EPC2: variants seen among roughly 807,000 people sequenced by gnomAD.
The protein encoded by EPC2 is enhancer of polycomb homolog 2.
EPC2 carries 14 observed loss-of-function variants against 92.1 expected under a neutral mutation model. The ratio of observed to expected loss-of-function variants is 0.15; its 90% CI spans 0.10 to 0.24. The LOEUF (loss-of-function observed/expected upper bound fraction) is 0.24. EPC2 is among the 10% of genes least tolerant of loss of function. The pLI is 1.00. For missense variants in EPC2, 755 were observed against 971.5 expected, an observed-to-expected ratio of 0.78 and a Z score of 2.96; for synonymous variants, 340 against 334.7, an observed-to-expected ratio of 1.02 and a Z score of -0.17.
At chr2:148,728,579 G>A (rs553370477) in intron 2 of EPC2, among the ~76,000 whole-genome samples, 19 of 151,898 alleles carry the variant, frequency 1.3e-4, no homozygotes, top group Non-Finnish European at 5.9e-5. Flanking sequence ...AAACTAAAAA[G>A]TTAGCCAGGT....
intron 1 of EPC2, among the ~76,000 whole-genome samples, chr2:148,651,657 G>T (rs1680687602): frequency 6.6e-6 from 1 of 152,086 alleles, no homozygotes; most frequent in Admixed American, 6.6e-5. Flanking sequence ...TGCCTAAGTG[G>T]GTTAAATGGC....
At chr2:148,690,724 A>G (rs576635413) in intron 2 of EPC2, among the ~76,000 whole-genome samples, 2 of 151,740 alleles carry the variant, frequency 1.3e-5, no homozygotes, top group South Asian at 2.1e-4. Context: ...GTGCAGTGGC[A>G]TGATCTTGGC....
chr2:148,772,569 G>A (rs1299984163), intron 10 of EPC2, among the ~76,000 whole-genome samples: 2 of 152,108 alleles, frequency 1.3e-5, no homozygotes, highest in African/African-American at 2.4e-5. Flanking sequence ...ACAGTGATTT[G>A]TTTAAAGGTT....
chr2:148,708,083 A>T (rs185770049), intron 2 of EPC2, among the ~76,000 whole-genome samples: 1 of 152,326 alleles, frequency 6.6e-6, no homozygotes, highest in East Asian at 1.9e-4. Flanking sequence ...AAAGATCAAC[A>T]AAATTGATAG....
At chr2:148,753,432 C>T (rs1177236493) in intron 3 of EPC2, among the ~76,000 whole-genome samples, 2 of 152,156 alleles carry the variant, frequency 1.3e-5, no homozygotes, top group African/African-American at 4.8e-5. Flanking sequence ...TTTTTATAAT[C>T]AATTCCGAAA....
chr2:148,760,629 T>C (rs1294558056), intron 4 of EPC2, among the ~76,000 whole-genome samples: 1 of 152,222 alleles, frequency 6.6e-6, no homozygotes, highest in Non-Finnish European at 1.5e-5. Context: ...CCTTTTGTCA[T>C]AGTAATGAAG....
At chr2:148,731,410 T>A (rs1682625250) in intron 2 of EPC2, among the ~76,000 whole-genome samples, 1 of 150,296 alleles carries the variant, frequency 6.7e-6, no homozygotes, top group Admixed American at 6.6e-5. Context: ...ATATTTAGGA[T>A]TTTTTTTTTG....
intron 2 of EPC2, among the ~76,000 whole-genome samples, chr2:148,693,347 CCTT>C (rs1208420424): frequency 6.6e-6 from 1 of 152,132 alleles, no homozygotes; most frequent in Non-Finnish European, 1.5e-5. Flanking sequence ...GCAGAAGCCT[CCTT>C]CTTGCCCTAG....
At chr2:148,707,621 A>G (rs951305778) in intron 2 of EPC2, among the ~76,000 whole-genome samples, 1 of 152,232 alleles carries the variant, frequency 6.6e-6, no homozygotes, top group Non-Finnish European at 1.5e-5. Flanking sequence ...CAGCAAATGT[A>G]AAAGAACAGA....
chr2:148,678,941 T>C (rs575832654), intron 1 of EPC2, among the ~76,000 whole-genome samples: 1 of 152,346 alleles, frequency 6.6e-6, no homozygotes, highest in East Asian at 1.9e-4. Flanking sequence ...GCCAGCACTC[T>C]GTCACCTCTC....
Position 148,741,552 on chromosome 2 carries a change from A to G in EPC2, c.314-2070A>G, listed in dbSNP as rs185461122. 1.7e-3 allele frequency among the ~76,000 whole-genome samples: 252 copies of G among 152,276 alleles called. 1 individual carries two copies. The highest frequency in any genetic ancestry group is 0.014 in the Admixed American group (217 of 15,298). ...ATACATCTGTTCCTATTCCTTTGTT[A>G]GTACCTTTAAGAAAGTCATGCTGAA... On this transcript the variant is annotated intron_variant, in intron 2 of 13. Coordinates refer to ENST00000258484, the MANE Select transcript of EPC2 (RefSeq NM_015630.4).
chr2:148,718,790 G>A (rs1405959232), intron 2 of EPC2, among the ~76,000 whole-genome samples: 1 of 152,078 alleles, frequency 6.6e-6, no homozygotes, highest in African/African-American at 2.4e-5. Flanking sequence ...GGCCTGTCTT[G>A]GTAAGTTGGG....
intron 7 of EPC2, among the ~76,000 whole-genome samples, chr2:148,768,436 C>T (rs1400077088): frequency 6.6e-6 from 1 of 152,164 alleles, no homozygotes; most frequent in Non-Finnish European, 1.5e-5. Context: ...GGATATTTGG[C>T]CTGATAGGAC....
chr2:148,744,425 G>T (rs1027805152), intron 3 of EPC2, among the ~76,000 whole-genome samples: 2 of 152,074 alleles, frequency 1.3e-5, no homozygotes, highest in Non-Finnish European at 2.9e-5. Flanking sequence ...CTCTGAGGTA[G>T]ACTATAACAC....
chr2:148,653,074 T>C (rs1680717875), intron 1 of EPC2, among the ~76,000 whole-genome samples: 1 of 152,234 alleles, frequency 6.6e-6, no homozygotes, highest in South Asian at 2.1e-4. Flanking sequence ...TAGACACTTA[T>C]TTCCCCAACA....
intron 3 of EPC2, among the ~76,000 whole-genome samples, chr2:148,747,597 A>G (rs553326319): frequency 2.0e-5 from 3 of 152,078 alleles, no homozygotes; most frequent in South Asian, 2.1e-4. Flanking sequence ...CCACATCACA[A>G]TCCATTTCAC....
At chr2:148,781,437 T>G (rs184207161) in intron 10 of EPC2, among the ~76,000 whole-genome samples, 1 of 152,344 alleles carries the variant, frequency 6.6e-6, no homozygotes, top group East Asian at 1.9e-4. Flanking sequence ...GGCACTTTTC[T>G]TAGCATGTGA....
At chr2:148,753,780 G>T in intron 3 of EPC2, 147 bp from the exon 4 acceptor site, 1 of 610,930 alleles carries the variant, frequency 1.6e-6, no homozygotes, top group East Asian at 2.8e-5. Flanking sequence ...TCCTTCATTA[G>T]GTTGAATTGA....
At chr2:148,714,465 C>T (rs1682217136) in intron 2 of EPC2, among the ~76,000 whole-genome samples, 1 of 152,170 alleles carries the variant, frequency 6.6e-6, no homozygotes, top group South Asian at 2.1e-4. Flanking sequence ...ATTTCTGCCT[C>T]TAGGTCTTTG....
Sources: gnomAD v4.1 joint callset for allele counts (sites outside exome capture counted in the v4.1 genomes callset) on GRCh38, gnomAD v4.1.1 for gene constraint, MANE v1.5 for transcripts, NCBI Gene and HGNC (gene_info 2026-07-23, HGNC 2026-07-21) for gene names.